TUSC3: variants seen among roughly 807,000 people sequenced by gnomAD.
The protein encoded by TUSC3 is dolichyl-diphosphooligosaccharide--protein glycosyltransferase subunit TUSC3.
Under a neutral mutation model 44.8 loss-of-function variants are expected in TUSC3, and 45 were observed. That is an observed-to-expected ratio of 1.00 (90% CI 0.79 to 1.29). The LOEUF (loss-of-function observed/expected upper bound fraction) is 1.29, where lower values mean the gene tolerates loss of function less well. Ranked by LOEUF, TUSC3 falls within the 50% of genes most tolerant of loss-of-function variation. The pLI, the probability that TUSC3 is intolerant of heterozygous loss-of-function variation, is 0.00. For missense variants in TUSC3, 519 were observed against 437.9 expected (o/e 1.19, Z -1.65); for synonymous variants, 212 against 152.9 (o/e 1.39, Z -2.85).
At chr8:15,833,779 A>C in the TUSC3 span, among the ~76,000 whole-genome samples, 1 of 152,114 alleles carries the variant, frequency 6.6e-6, no homozygotes, top group African/African-American at 2.4e-5. Flanking sequence ...CTGTACAACA[A>C]ACCCCGTTGT....
At chr8:15,626,329 G>A (rs1391571184) in intron 2 of TUSC3, among the ~76,000 whole-genome samples, 1 of 152,240 alleles carries the variant, frequency 6.6e-6, no homozygotes, top group Non-Finnish European at 1.5e-5. Flanking sequence ...GCTGGTGGGA[G>A]AGCAGGGCAG....
rs192147508 is a variant in TUSC3, at chr8:15,457,404, G to A, written n.92-25982G>A. ...AAACATATGGCCAATAATCATATGTGATTGGTAAAATACAAATCAAGACCA... is the reference window on the plus strand; with the variant it reads ...AAACATATGGCCAATAATCATATGTAATTGGTAAAATACAAATCAAGACCA... On this transcript the variant is annotated intron_variant and non_coding_transcript_variant, in intron 1 of 5. Transcript: ENST00000503191. Among the ~76,000 whole-genome samples the A allele has an allele frequency of 1.8e-3, 275 of 151,796 alleles. 3 individuals are homozygous for A. The highest frequency in any genetic ancestry group is 6.4e-3 in the African/African-American group (264 of 41,470).
At chr8:15,532,155 A>T (rs951523977) in intron 2 of TUSC3, among the ~76,000 whole-genome samples, 2 of 152,110 alleles carry the variant, frequency 1.3e-5, no homozygotes, top group Non-Finnish European at 2.9e-5. Context: ...TTTAATATTT[A>T]TCTGAACTTG....
intron 2 of TUSC3, among the ~76,000 whole-genome samples, chr8:15,487,564 C>G (rs2129125450): frequency 6.6e-6 from 1 of 152,260 alleles, no homozygotes; most frequent in Admixed American, 6.5e-5. Flanking sequence ...TACTGAGATA[C>G]TAAACATTTA....
At chr8:15,563,831 A>G (rs749928386) in intron 1 of TUSC3, among the ~76,000 whole-genome samples, 12 of 152,196 alleles carry the variant, frequency 7.9e-5, no homozygotes, top group African/African-American at 2.6e-4. Flanking sequence ...GTAAATAAGA[A>G]TTATTTCAAG....
intron 2 of TUSC3, among the ~76,000 whole-genome samples, chr8:15,649,190 A>G (rs1351991104): frequency 6.6e-6 from 1 of 152,134 alleles, no homozygotes; most frequent in African/African-American, 2.4e-5. Flanking sequence ...GAAATCACAT[A>G]AGGTTTTCCT....
intron 2 of TUSC3, among the ~76,000 whole-genome samples, chr8:15,510,716 A>G (rs563539028): frequency 1.3e-5 from 2 of 152,260 alleles, no homozygotes; most frequent in South Asian, 2.1e-4. Flanking sequence ...AGAGCGGGGA[A>G]TGCTTTCTTA....
the TUSC3 span, among the ~76,000 whole-genome samples, chr8:15,805,654 T>C: frequency 0.18 from 27,940 of 152,156 alleles, 2,817 homozygotes; most frequent in Middle Eastern, 0.28. Flanking sequence ...TGAACCAATT[T>C]TGCATCCCAG....
rs1276079521 is a variant in TUSC3 at position 15,448,117 on chromosome 8, A to ATATATATATTTATTTATTTATT, written n.91+30815_91+30816insATATATTTATTTATTTATTTAT. On this transcript the variant is annotated intron_variant and non_coding_transcript_variant, in intron 1 of 5. Transcript: ENST00000503191. ...TATGGTAGTGTATATACATATATAT[A>ATATATATATTTATTTATTTATT]TATTTATTTATTTATTTTTTAGATG... Among the ~76,000 whole-genome samples the ATATATATATTTATTTATTTATT allele has an allele frequency of 1.7e-4, 16 of 93,754 alleles. 1 individual carries two copies. Among genetic ancestry groups the ATATATATATTTATTTATTTATT allele is most frequent in the African/African-American group, 6.3e-4 (15 of 23,996 alleles). The allele number at this position is 93,754 out of a possible 152,430, so 61.5% of individuals were successfully genotyped here.
At chr8:15,551,113 C>A (rs1353542635) in intron 1 of TUSC3, among the ~76,000 whole-genome samples, 2 of 151,726 alleles carry the variant, frequency 1.3e-5, no homozygotes, top group African/African-American at 4.8e-5. Flanking sequence ...GAGGGTTGAA[C>A]AAGATCAGGA....
chr8:15,695,230 A>T (rs573952672), intron 6 of TUSC3, among the ~76,000 whole-genome samples: 4 of 152,150 alleles, frequency 2.6e-5, no homozygotes. Flanking sequence ...CCCACATGTC[A>T]TGGGAGGGAC....
At chr8:15,725,365 A>G (rs536942412) in intron 6 of TUSC3, among the ~76,000 whole-genome samples, 76 of 152,322 alleles carry the variant, frequency 5.0e-4, no homozygotes, top group African/African-American at 1.7e-3. Flanking sequence ...GTTAGGGTTA[A>G]TCAAACACGT....
intron 2 of TUSC3, among the ~76,000 whole-genome samples, chr8:15,629,606 G>T (rs1563142678): frequency 7.2e-6 from 1 of 139,572 alleles, no homozygotes; most frequent in East Asian, 2.1e-4. Flanking sequence ...TTCTGTGTCA[G>T]TGTACTTTTG....
chr8:15,479,321 T>A (rs1158194828), intron 1 of TUSC3, among the ~76,000 whole-genome samples: 1 of 152,234 alleles, frequency 6.6e-6, no homozygotes, highest in East Asian at 1.9e-4. Flanking sequence ...GCTTTTGTTG[T>A]AATTGCTTTT....
chr8:15,515,672 A>G (rs1801207123), intron 2 of TUSC3, among the ~76,000 whole-genome samples: 1 of 151,898 alleles, frequency 6.6e-6, no homozygotes, highest in Admixed American at 6.6e-5. Flanking sequence ...ATGTATGTAT[A>G]TACATATTTT....
Position 15,629,183 on chromosome 8 carries a change from G to A in TUSC3, c.308+5934G>A, listed in dbSNP as rs766540204. On this transcript the variant is annotated intron_variant, in intron 2 of 10. Coordinates refer to ENST00000503731, the MANE Select transcript of TUSC3 (RefSeq NM_006765.4). ...ATTATAAAATTAGATGTTGATATTA[G>A]GATGGTATGGTAACTGAAGAGGAAA... is the stretch of plus-strand genomic sequence containing the variant. 5.5e-4 allele frequency among the ~76,000 whole-genome samples: 84 copies of A among 152,134 alleles called. 1 individual carries two copies. Among genetic ancestry groups the A allele is most frequent in the Non-Finnish European group, 1.0e-3 (70 of 68,016 alleles).
At position 15,431,086 on chromosome 8, in the gene TUSC3, C is replaced by A. The variant is rs533560003; in HGVS notation, n.91+13781C>A. ...AACCGTATTGTTTTAATTACTGTGG[C>A]TTTGTAATATATTTTTGAAATCAGG... On this transcript the variant is annotated intron_variant and non_coding_transcript_variant, in intron 1 of 5. Transcript: ENST00000503191. Among the ~76,000 whole-genome samples the A allele has an allele frequency of 2.0e-4, 31 of 151,788 alleles. 2 individuals are homozygous for A. The highest frequency in any genetic ancestry group is 6.1e-4 in the African/African-American group (25 of 41,140).
chr8:15,825,324 A>T, the TUSC3 span, among the ~76,000 whole-genome samples: 2 of 152,174 alleles, frequency 1.3e-5, no homozygotes, highest in Non-Finnish European at 2.9e-5. Flanking sequence ...CCTCACAATC[A>T]TGGTGGAAGG....
At chr8:15,680,525 A>C (rs1474269567) in intron 6 of TUSC3, among the ~76,000 whole-genome samples, 1 of 152,116 alleles carries the variant, frequency 6.6e-6, no homozygotes, top group South Asian at 2.1e-4. Flanking sequence ...AGAATCATAT[A>C]GTCTGCAAAG....
Sources: gnomAD v4.1 joint callset for allele counts (sites outside exome capture counted in the v4.1 genomes callset) on GRCh38, gnomAD v4.1.1 for gene constraint, MANE v1.5 for transcripts, NCBI Gene and HGNC (gene_info 2026-07-23, HGNC 2026-07-21) for gene names.